Variants in TRIO observed in about 807,000 individuals in gnomAD.
TRIO encodes trio Rho guanine nucleotide exchange factor.
A neutral mutation model predicts 351.9 loss-of-function variants in TRIO; 58 were observed. The ratio of observed to expected loss-of-function variants is 0.16; its 90% CI spans 0.13 to 0.21. The LOEUF is 0.21. Among genes scored for constraint, TRIO ranks in the 10% least tolerant of loss-of-function variants. The probability of loss-of-function intolerance (pLI) is 1.00; values close to 1 mark genes in which losing one functional copy is unlikely to be tolerated. For missense variants in TRIO, 3,201 were observed against 4,027.8 expected, an observed-to-expected ratio of 0.79 and a Z score of 5.56; for synonymous variants, 1,758 against 1,595.7, an observed-to-expected ratio of 1.10 and a Z score of -2.42.
chr5:14,424,828 C>A (rs909106442), intron 34 of TRIO, among the ~76,000 whole-genome samples: 1 of 152,238 alleles, frequency 6.6e-6, no homozygotes, highest in East Asian at 1.9e-4. Context: ...GTTGACTTTT[C>A]TGTGGGTCCA....
chr5:14,189,105 AT>A lies in TRIO; in HGVS notation c.157+45225del, dbSNP rs983130478. ...TTTGGTATAAGCGTTAAGGAATCAC[AT>A]TGCTTTTTAATTGTATTTATTTCTA... On this transcript the variant is annotated intron_variant, in intron 1 of 56. Transcript: ENST00000344204. Among the ~76,000 whole-genome samples, 27 of 152,202 alleles carry A rather than the reference AT, an allele frequency of 1.8e-4. 1 individual carries two copies. Among genetic ancestry groups the A allele is most frequent in the Middle Eastern group, 3.2e-3 (1 of 316 alleles).
chr5:14,335,459 CGGGG>C, intron 10 of TRIO, among the ~76,000 whole-genome samples: 1 of 152,288 alleles, frequency 6.6e-6, no homozygotes, highest in Middle Eastern at 3.4e-3. Context: ...CAGCGTCTCC[CGGGG>C]CTCCCCTCCC....
At chr5:14,215,663 A>T (rs1035513082) in intron 1 of TRIO, among the ~76,000 whole-genome samples, 3 of 152,172 alleles carry the variant, frequency 2.0e-5, no homozygotes, top group African/African-American at 7.2e-5. Context: ...GAAATGTGAG[A>T]TCTTTTAGCT....
intron 1 of TRIO, among the ~76,000 whole-genome samples, chr5:14,250,851 C>A (rs1390701618): frequency 1.3e-5 from 2 of 152,186 alleles, no homozygotes; most frequent in East Asian, 3.8e-4. Flanking sequence ...GTGAATTAAA[C>A]ACTTTACACG....
chr5:14,464,279 G>A (rs768382584), intron 36 of TRIO, among the ~76,000 whole-genome samples: 1 of 152,176 alleles, frequency 6.6e-6, no homozygotes, highest in African/African-American at 2.4e-5. Flanking sequence ...AAACATTGAG[G>A]GGCTGGGCCT....
At chr5:14,153,074 C>T (rs749941887) in intron 1 of TRIO, among the ~76,000 whole-genome samples, 13 of 152,198 alleles carry the variant, frequency 8.5e-5, no homozygotes, top group African/African-American at 2.4e-4. Context: ...GTTTGTAAGA[C>T]GGAAGCTGTC....
rs181684517 is a variant in TRIO at position 14,376,864 on chromosome 5, T to A, written c.3332-1148T>A. On this transcript the variant is annotated intron_variant, in intron 19 of 56. Transcript: ENST00000344204. ...TCCATAATAGAGGATCATGATTACC[T>A]GTTCCCTTACTCTTTCCAACACTGG... Among the ~76,000 whole-genome samples the A allele has an allele frequency of 1.7e-3, 263 of 152,330 alleles. 2 individuals are homozygous for A. The highest frequency in any genetic ancestry group is 5.0e-3 in the Admixed American group (76 of 15,308).
rs1334819048 is a variant in TRIO, at chr5:14,487,916, C to A, written c.7288C>A (p.Pro2430Thr). 2 of 1,538,904 alleles carry A rather than the reference C, an allele frequency of 1.3e-6. No individual in the cohort carries two copies. Among genetic ancestry groups the A allele is most frequent in the East Asian group, 4.9e-5 (2 of 40,808 alleles). Residue 2430 changes from proline to threonine, a missense_variant, in exon 48 of 57, where the codon CCA (proline) becomes ACA (threonine). Around this residue, in one of 19 missense-constraint regions of TRIO, gnomAD observed 1,089 missense variants for 954.9 expected, o/e 1.14. Coordinates refer to ENST00000344204, the MANE Select transcript of TRIO (RefSeq NM_007118.4). Reference protein sequence around the residue: ...KGAANASGSSPDAPAKDARAS... With the variant: ...KGAANASGSSTDAPAKDARAS... ...CGCCGCGAACGCCTCGGGGTCGAGCCCAGACGCCCCCGCCAAGGACGCGCG... is the reference window on the plus strand; with the variant it reads ...CGCCGCGAACGCCTCGGGGTCGAGCACAGACGCCCCCGCCAAGGACGCGCG...
chr5:14,414,846 C>G, intron 33 of TRIO, among the ~76,000 whole-genome samples: 1 of 152,184 alleles, frequency 6.6e-6, no homozygotes, highest in East Asian at 1.9e-4. Flanking sequence ...CACGTTAGAA[C>G]AGCTGCTGAT....
intron 21 of TRIO, among the ~76,000 whole-genome samples, chr5:14,383,236 A>G (rs1048657697): frequency 6.6e-6 from 1 of 152,162 alleles, no homozygotes; most frequent in Non-Finnish European, 1.5e-5. Context: ...TTATTTGAAT[A>G]TTGTTTGATT....
chr5:14,353,882 G>A (rs558300716), intron 11 of TRIO, among the ~76,000 whole-genome samples: 2 of 152,300 alleles, frequency 1.3e-5, no homozygotes, highest in Admixed American at 6.5e-5. Flanking sequence ...TCTCTTCACC[G>A]GAGTGTAAAA....
intron 15 of TRIO, 103 bp from the exon 16 acceptor site, chr5:14,366,757 C>T: frequency 6.6e-7 from 1 of 1,521,642 alleles, no homozygotes; most frequent in Non-Finnish European, 8.9e-7. Context: ...TCGTACCTGC[C>T]AGGAGCAACT....
intron 34 of TRIO, among the ~76,000 whole-genome samples, chr5:14,455,039 G>A (rs370989671): frequency 1.1e-4 from 16 of 151,094 alleles, no homozygotes; most frequent in Non-Finnish European, 2.2e-4. Context: ...TCGTGGTCTC[G>A]CTGGCCTCAG....
chr5:14,442,320 C>A (rs141977836), intron 34 of TRIO, among the ~76,000 whole-genome samples: 7 of 152,222 alleles, frequency 4.6e-5, no homozygotes, highest in African/African-American at 1.7e-4. Context: ...CGGGGCACTT[C>A]CAGTTCATTA....
intron 53 of TRIO, among the ~76,000 whole-genome samples, chr5:14,501,826 G>A (rs1442458656): frequency 1.3e-5 from 2 of 152,178 alleles, no homozygotes; most frequent in Non-Finnish European, 2.9e-5. Context: ...GAGTGGGGTC[G>A]GGAGGGCCAG....
chr5:14,496,482 G>A (rs1353579235), intron 49 of TRIO, among the ~76,000 whole-genome samples: 1 of 152,094 alleles, frequency 6.6e-6, no homozygotes, highest in Non-Finnish European at 1.5e-5. Flanking sequence ...TAAGGCCTTC[G>A]GCTCATTGGA....
chr5:14,492,506 G>C, intron 48 of TRIO, 61 bp from the exon 49 acceptor site: 1 of 1,584,766 alleles, frequency 6.3e-7, no homozygotes, highest in South Asian at 1.2e-5. Context: ...GGGATTTCAT[G>C]TGATCAGGTC....
intron 1 of TRIO, among the ~76,000 whole-genome samples, chr5:14,173,297 A>G (rs1046062829): frequency 2.2e-5 from 3 of 138,838 alleles, no homozygotes; most frequent in African/African-American, 8.3e-5. Flanking sequence ...TACAACCTTC[A>G]CCTCCCAGGT....
In TRIO at chr5:14,498,417, A is replaced by C. The variant is rs1473728705; in HGVS notation, c.8211-102A>C. The C allele has an allele frequency of 3.9e-6, 6 of 1,524,402 alleles. No homozygotes were observed. In the South Asian group the frequency reaches 7.5e-5, roughly 19 times the overall value. 94.4% of individuals were successfully genotyped at this position (1,524,402 alleles called of 1,614,324 possible). On this transcript the variant is annotated intron_variant, in intron 52 of 56. Coordinates refer to ENST00000344204, the MANE Select transcript of TRIO (RefSeq NM_007118.4). Reference sequence around the variant, plus strand: ...CCTGGGTGTACAGCTCCTCATCAGCACTTGAGCTCCTGCCTTCCCTTGATC... The same window carrying C: ...CCTGGGTGTACAGCTCCTCATCAGCCCTTGAGCTCCTGCCTTCCCTTGATC...
Sources: allele counts gnomAD v4.1 joint callset (sites outside exome capture counted in the v4.1 genomes callset), GRCh38; gene constraint gnomAD v4.1.1; regional missense constraint gnomAD v4.1.1; transcripts MANE v1.5; gene names NCBI Gene and HGNC (gene_info 2026-07-23, HGNC 2026-07-21).